The following KIF9 variants were observed in gnomAD, a reference collection of about 807,000 sequenced individuals.
The protein encoded by KIF9 is kinesin family member 9.
Under a neutral mutation model 94.8 loss-of-function variants are expected in KIF9, and 68 were observed. That is an observed-to-expected ratio of 0.72 (90% CI 0.59 to 0.88). KIF9 has a LOEUF of 0.88. Among genes scored for constraint, KIF9 ranks in the 40% least tolerant of loss-of-function variants. The probability of loss-of-function intolerance (pLI) is 0.00; values close to 1 mark genes in which losing one functional copy is unlikely to be tolerated. For missense variants in KIF9, 882 were observed against 982.5 expected (o/e 0.90, Z 1.37); for synonymous variants, 343 against 362.1 (o/e 0.95, Z 0.60).
intron 9 of KIF9, among the ~76,000 whole-genome samples, chr3:47,260,323 A>C (rs1225106013): frequency 6.6e-6 from 1 of 151,088 alleles, no homozygotes; most frequent in East Asian, 2.0e-4. Context: ...CCCACAGATG[A>C]TCAATAAATA....
At chr3:47,253,762 C>T (rs1700410953) in intron 10 of KIF9, among the ~76,000 whole-genome samples, 1 of 152,172 alleles carries the variant, frequency 6.6e-6, no homozygotes, top group Non-Finnish European at 1.5e-5. Flanking sequence ...GCTCCCTCAT[C>T]CCACAACTCA....
chr3:47,277,334 T>G lies in KIF9; in HGVS notation c.41A>C (p.Lys14Thr), dbSNP rs775455067. Reference sequence around the variant, plus strand: ...TTCATGAGCAAAGTCATCGGTGGGTTTGACACGGACAAATGCATGAACTTT... The same window carrying G: ...TTCATGAGCAAAGTCATCGGTGGGTGTGACACGGACAAATGCATGAACTTT... ...RKKVHAFVRVKPTDDFAHEMI... is the reference protein window; with the variant it reads ...RKKVHAFVRVTPTDDFAHEMI... Residue 14 changes from lysine (K) to threonine (T), a missense_variant, in exon 2 of 21, where the codon AAA becomes ACA. Transcript: ENST00000684063. The G allele has an allele frequency of 1.2e-6, 2 of 1,614,026 alleles. No individual in the cohort carries two copies. Among genetic ancestry groups the G allele is most frequent in the Admixed American group, 3.3e-5 (2 of 59,998 alleles).
chr3:47,247,677 G>C (rs1157235377), intron 11 of KIF9, among the ~76,000 whole-genome samples, 200 bp from the exon 12 acceptor site: 3 of 152,168 alleles, frequency 2.0e-5, no homozygotes, highest in African/African-American at 7.2e-5. Flanking sequence ...GAGGGATAAT[G>C]GGGTCGGGGA....
intron 20 of KIF9, among the ~76,000 whole-genome samples, chr3:47,229,701 G>C (rs1698411454): frequency 6.6e-6 from 1 of 151,960 alleles, no homozygotes; most frequent in Non-Finnish European, 1.5e-5. Flanking sequence ...ATTTTGACCT[G>C]TAGAAATACA....
intron 9 of KIF9, among the ~76,000 whole-genome samples, chr3:47,263,176 C>T (rs1056437513): frequency 2.0e-5 from 3 of 152,172 alleles, no homozygotes; most frequent in Admixed American, 6.5e-5. Flanking sequence ...GGATTACAGG[C>T]GTGAACCACC....
intron 10 of KIF9, among the ~76,000 whole-genome samples, chr3:47,255,587 A>C (rs1020591905): frequency 7.9e-5 from 12 of 152,204 alleles, no homozygotes; most frequent in Non-Finnish European, 1.0e-4. Flanking sequence ...AAATGTGACA[A>C]GGCATCAGAA....
intron 17 of KIF9, chr3:47,240,289 C>A (rs1028558022): frequency 2.5e-4 from 54 of 215,058 alleles, no homozygotes; most frequent in Admixed American, 9.3e-4. Context: ...CAGACCAGCA[C>A]GGGTGTCAGG....
rs1011501663 is a variant in KIF9 at position 47,243,156 on chromosome 3, G to A, written c.1604C>T (p.Ser535Phe). The A allele has an allele frequency of 9.3e-6, 15 of 1,614,058 alleles. No homozygotes were observed. Among genetic ancestry groups the A allele is most frequent in the Admixed American group, 5.0e-5 (3 of 60,016 alleles). The part of the protein sequence containing the change: ...VSTSKTQLVP[S>F]SKDGDVKDML... Reference sequence around the variant, plus strand: ...GTCTTTGACATCCCCATCTTTGGAGGATGGGACCAGCTGGGTCTTGGAGGT... The same window carrying A: ...GTCTTTGACATCCCCATCTTTGGAGAATGGGACCAGCTGGGTCTTGGAGGT... Residue 535 changes from serine to phenylalanine, a missense_variant, in exon 16 of 21, where the codon TCC (serine) becomes TTC (phenylalanine). Coordinates refer to ENST00000684063, the MANE Select transcript of KIF9 (RefSeq NM_182902.4).
intron 9 of KIF9, among the ~76,000 whole-genome samples, chr3:47,258,784 G>A (rs1015968104): frequency 2.0e-5 from 3 of 152,190 alleles, no homozygotes; most frequent in African/African-American, 7.2e-5. Context: ...ACAGCCTGTG[G>A]AACCATGAGC....
At chr3:47,276,771 A>G (rs1229764033) in intron 2 of KIF9, among the ~76,000 whole-genome samples, 1 of 152,152 alleles carries the variant, frequency 6.6e-6, no homozygotes, top group African/African-American at 2.4e-5. Context: ...TGCCCAGAGT[A>G]GGCCCATAAT....
intron 16 of KIF9, 57 bp from the exon 17 acceptor site, chr3:47,241,072 C>A: frequency 6.8e-7 from 1 of 1,471,810 alleles, no homozygotes; most frequent in East Asian, 2.3e-5. Flanking sequence ...CTTGGAGCCA[C>A]CAGGCACTTC....
Position 47,275,357 on chromosome 3 carries a change from TC to T in KIF9, c.226del (p.Asp76MetfsTer28). Reference protein sequence around the residue: ...QDLVYETVAKDVVSQALDGYN... With the variant: ...QDLVYETVAKXVVSQALDGYN... ...GCCATCGAGGGCCTGAGAAACCACA[TC>T]CTTTGCAACTGTCTCATAAACCAAG... On this transcript the variant is annotated frameshift_variant, in exon 3 of 21. Coordinates refer to ENST00000684063, the MANE Select transcript of KIF9 (RefSeq NM_182902.4). LOFTEE classifies it high-confidence loss of function. The T allele has an allele frequency of 1.2e-6, 2 of 1,613,366 alleles. No homozygotes were observed. The highest frequency in any genetic ancestry group is 2.2e-5 in the East Asian group (1 of 44,880).
chr3:47,269,436 C>T (rs1179257564), intron 5 of KIF9, among the ~76,000 whole-genome samples: 1 of 152,098 alleles, frequency 6.6e-6, no homozygotes, highest in Non-Finnish European at 1.5e-5. Context: ...CATGCGCCCC[C>T]ATGCCTGGCT....
rs1201685874 is a variant in KIF9 at position 47,236,131 on chromosome 3, T to C, written c.2120A>G (p.Asn707Ser). The change falls in exon 19 of 21, where the codon AAT becomes AGT. Residue 707 changes from asparagine to serine, a missense_variant. By Grantham distance (46) the Asn-to-Ser change is conservative. Coordinates refer to ENST00000684063, the MANE Select transcript of KIF9 (RefSeq NM_182902.4). ...RLLMEFDIWYNESFVIPEDMQ... is the reference protein window; with the variant it reads ...RLLMEFDIWYSESFVIPEDMQ... ...GTCCTCAGGGATGACAAAGGACTCA[T>C]TGTACCAGATGTCAAATTCTACAAG... 29 of 1,613,722 alleles carry C rather than the reference T, an allele frequency of 1.8e-5. No homozygotes were observed. Among genetic ancestry groups the C allele is most frequent in the South Asian group, 3.3e-5 (3 of 91,068 alleles).
intron 14 of KIF9, 69 bp from the exon 15 acceptor site, chr3:47,244,993 G>A (rs1699830403): frequency 2.5e-6 from 4 of 1,588,168 alleles, no homozygotes; most frequent in African/African-American, 1.3e-5. Flanking sequence ...GGACCCACAT[G>A]TATATGGCCC....
intron 20 of KIF9, among the ~76,000 whole-genome samples, chr3:47,232,576 C>T (rs554888917): frequency 2.0e-4 from 30 of 152,058 alleles, no homozygotes; most frequent in Non-Finnish European, 3.5e-4. Flanking sequence ...TGAGCCACCG[C>T]GCCCAGCCCA....
At chr3:47,238,110 C>T (rs1699173577) in intron 17 of KIF9, among the ~76,000 whole-genome samples, 1 of 151,776 alleles carries the variant, frequency 6.6e-6, no homozygotes, top group Non-Finnish European at 1.5e-5. Flanking sequence ...GTTTCTTTTT[C>T]TTTTTCTTGA....
chr3:47,248,663 G>A (rs180983008), intron 10 of KIF9, among the ~76,000 whole-genome samples: 6 of 152,042 alleles, frequency 3.9e-5, no homozygotes, highest in South Asian at 4.2e-4. Flanking sequence ...GGCTGGTCTC[G>A]AACTCCGGAC....
chr3:47,259,632 C>G (rs551202163), intron 9 of KIF9, among the ~76,000 whole-genome samples: 334 of 150,990 alleles, frequency 2.2e-3, no homozygotes, highest in Admixed American at 3.7e-3. Flanking sequence ...AAAAATTCTT[C>G]TGCCTTGAGA....
Sources: allele counts gnomAD v4.1 joint callset (sites outside exome capture counted in the v4.1 genomes callset), GRCh38; gene constraint gnomAD v4.1.1; transcripts MANE v1.5; gene names NCBI Gene and HGNC (gene_info 2026-07-23, HGNC 2026-07-21).